NBEA: variants seen among roughly 807,000 people sequenced by gnomAD.
NBEA encodes the protein neurobeachin.
NBEA carries 44 observed loss-of-function variants against 343.4 expected under a neutral mutation model. The ratio of observed to expected loss-of-function variants is 0.13; its 90% CI spans 0.10 to 0.16. The LOEUF is 0.16. Among genes scored for constraint, NBEA ranks in the 10% least tolerant of loss-of-function variants. NBEA has a pLI of 1.00. For missense variants in NBEA, 2,555 were observed against 3,631.3 expected (o/e 0.70, Z 7.62); for synonymous variants, 1,175 against 1,238.7 (o/e 0.95, Z 1.08).
chr13:35,453,283 TAA>T (rs2046396933), intron 40 of NBEA, among the ~76,000 whole-genome samples: 1 of 152,242 alleles, frequency 6.6e-6, no homozygotes. Flanking sequence ...AAATATTTAA[TAA>T]GTTTATTCTA....
chr13:35,228,418 ATTTTG>A (rs2074785112), intron 33 of NBEA, among the ~76,000 whole-genome samples: 1 of 150,444 alleles, frequency 6.6e-6, no homozygotes, highest in Non-Finnish European at 1.5e-5. Context: ...TACAAGTGCA[ATTTTG>A]TTTTGTGGAT....
intron 1 of NBEA, among the ~76,000 whole-genome samples, chr13:35,026,824 G>C (rs2062034718): frequency 6.6e-6 from 1 of 152,016 alleles, no homozygotes; most frequent in South Asian, 2.1e-4. Context: ...GTGGTTAGCT[G>C]ATATTTTGAC....
intron 35 of NBEA, among the ~76,000 whole-genome samples, chr13:35,305,865 G>A (rs2036857113): frequency 6.6e-6 from 1 of 152,160 alleles, no homozygotes; most frequent in South Asian, 2.1e-4. Flanking sequence ...TTATGCATGT[G>A]TGAAAATGTG....
chr13:35,567,483 A>G (rs538610151), intron 45 of NBEA, among the ~76,000 whole-genome samples: 9 of 152,336 alleles, frequency 5.9e-5, no homozygotes, highest in African/African-American at 2.2e-4. Flanking sequence ...AAAGATGGCA[A>G]GAAAATGGTG....
chr13:35,448,903 G>T (rs1566149078), intron 39 of NBEA, among the ~76,000 whole-genome samples: 1 of 152,192 alleles, frequency 6.6e-6, no homozygotes, highest in Non-Finnish European at 1.5e-5. Context: ...TGAATTATGT[G>T]TAAGCTGTTA....
intron 10 of NBEA, among the ~76,000 whole-genome samples, chr13:35,082,720 T>G (rs1384397016): frequency 1.3e-5 from 2 of 152,234 alleles, no homozygotes; most frequent in African/African-American, 4.8e-5. Context: ...TGTCTTCTTT[T>G]CAGAAGTGTC....
chr13:35,519,876 A>G (rs1301879291), intron 41 of NBEA, among the ~76,000 whole-genome samples: 1 of 152,152 alleles, frequency 6.6e-6, no homozygotes, highest in Non-Finnish European at 1.5e-5. Flanking sequence ...TATTCCTTCT[A>G]TCTAACTGTA....
intron 49 of NBEA, among the ~76,000 whole-genome samples, chr13:35,632,007 C>G (rs2083476026): frequency 6.6e-6 from 1 of 152,130 alleles, no homozygotes; most frequent in Non-Finnish European, 1.5e-5. Flanking sequence ...CAAAGCTCTT[C>G]TTAATATGTA....
chr13:35,139,750 T>TTG (rs1566350125), intron 17 of NBEA, among the ~76,000 whole-genome samples: 2 of 140,270 alleles, frequency 1.4e-5, no homozygotes, highest in East Asian at 4.1e-4. Context: ...TGGCGTTTTT[T>TTG]TTTTTTTTTT....
At chr13:35,156,584 A>C (rs2069189954) in intron 20 of NBEA, among the ~76,000 whole-genome samples, 1 of 152,066 alleles carries the variant, frequency 6.6e-6, no homozygotes, top group Admixed American at 6.6e-5. Flanking sequence ...AATGTTGTGC[A>C]TTTTTAAGCT....
At chr13:35,631,939 GATA>G (rs1305164996) in intron 49 of NBEA, among the ~76,000 whole-genome samples, 3 of 152,142 alleles carry the variant, frequency 2.0e-5, no homozygotes, top group Non-Finnish European at 4.4e-5. Flanking sequence ...AGCAGTAATT[GATA>G]ATAAACTTTA....
At chr13:35,255,462 C>T (rs2032479040) in intron 34 of NBEA, among the ~76,000 whole-genome samples, 1 of 152,214 alleles carries the variant, frequency 6.6e-6, no homozygotes, top group South Asian at 2.1e-4. Flanking sequence ...GGTGCATGAG[C>T]GGGCAAGCGC....
At chr13:35,625,070 AAGT>A (rs1324027373) in intron 48 of NBEA, among the ~76,000 whole-genome samples, 3 of 152,176 alleles carry the variant, frequency 2.0e-5, no homozygotes, top group Non-Finnish European at 4.4e-5. Context: ...ATATGAATGA[AAGT>A]AGATGTAGAT....
chr13:35,572,497 A>G (rs2080484828), intron 45 of NBEA, among the ~76,000 whole-genome samples: 1 of 152,184 alleles, frequency 6.6e-6, no homozygotes, highest in South Asian at 2.1e-4. Flanking sequence ...GATGATGATA[A>G]GCATAACCAT....
intron 49 of NBEA, among the ~76,000 whole-genome samples, chr13:35,630,408 ATTGTC>A (rs1349906611): frequency 1.3e-5 from 2 of 152,156 alleles, no homozygotes; most frequent in African/African-American, 4.8e-5. Context: ...AAAATTAAAA[ATTGTC>A]TTCTGTTGAA....
At chr13:35,380,568 T>C (rs1031717445) in intron 38 of NBEA, among the ~76,000 whole-genome samples, 3 of 152,202 alleles carry the variant, frequency 2.0e-5, no homozygotes, top group African/African-American at 7.2e-5. Flanking sequence ...AAATATCATT[T>C]TTAAAATTTG....
intron 36 of NBEA, among the ~76,000 whole-genome samples, chr13:35,326,650 C>G (rs1195298484): frequency 6.6e-6 from 1 of 151,954 alleles, no homozygotes; most frequent in Non-Finnish European, 1.5e-5. Flanking sequence ...CCTGATTGCT[C>G]TGGCTACAAC....
chr13:35,587,836 A>C (rs935120078), intron 46 of NBEA, among the ~76,000 whole-genome samples: 1 of 152,170 alleles, frequency 6.6e-6, no homozygotes, highest in African/African-American at 2.4e-5. Flanking sequence ...ATGCAAGGGT[A>C]TGCCAGAATA....
At chr13:35,069,492 G>A (rs1442452221) in intron 8 of NBEA, among the ~76,000 whole-genome samples, 3 of 151,998 alleles carry the variant, frequency 2.0e-5, no homozygotes, top group Non-Finnish European at 2.9e-5. Context: ...ACTTTTTATA[G>A]CCTCAAATGA....
Sources: gnomAD v4.1 joint callset for allele counts (sites outside exome capture counted in the v4.1 genomes callset) on GRCh38, gnomAD v4.1.1 for gene constraint, MANE v1.5 for transcripts, NCBI Gene and HGNC (gene_info 2026-07-23, HGNC 2026-07-21) for gene names.